NRXN3: variants seen among roughly 807,000 people sequenced by gnomAD.
The protein encoded by NRXN3 is neurexin 3.
Under a neutral mutation model 137.6 loss-of-function variants are expected in NRXN3, and 32 were observed. The ratio of observed to expected loss-of-function variants is 0.23; its 90% confidence interval spans 0.18 to 0.31. NRXN3 has a LOEUF of 0.31. Among genes scored for constraint, NRXN3 ranks in the 10% least tolerant of loss-of-function variants. The pLI is 1.00. For synonymous variants in NRXN3, 798 were observed against 784.5 expected, an observed-to-expected ratio of 1.02 and a Z score of -0.29; for missense variants, 1,574 against 2,062.5, an observed-to-expected ratio of 0.76 and a Z score of 4.59.
intron 19 of NRXN3, among the ~76,000 whole-genome samples, chr14:79,791,773 C>T (rs1280090533): frequency 2.6e-5 from 4 of 152,026 alleles, no homozygotes; most frequent in Non-Finnish European, 5.9e-5. Context: ...ATAGAACAAG[C>T]ATTTCTAGAG....
At chr14:78,949,829 A>C (rs2099383797) in intron 10 of NRXN3, among the ~76,000 whole-genome samples, 1 of 152,070 alleles carries the variant, frequency 6.6e-6, no homozygotes, top group Non-Finnish European at 1.5e-5. Context: ...AATGTACTAG[A>C]CCTTTAAATT....
intron 15 of NRXN3, among the ~76,000 whole-genome samples, chr14:79,457,696 T>C (rs2096275266): frequency 1.3e-5 from 2 of 152,210 alleles, no homozygotes. Flanking sequence ...TGGCCTCTTG[T>C]AAGTATGAGG....
chr14:78,491,927 A>G (rs189697141), intron 4 of NRXN3, among the ~76,000 whole-genome samples: 91 of 152,236 alleles, frequency 6.0e-4, no homozygotes, highest in Admixed American at 2.0e-3. Context: ...GACTAGTGGG[A>G]TATTGCAGAA....
intron 15 of NRXN3, among the ~76,000 whole-genome samples, chr14:79,135,881 C>A (rs577981128): frequency 1.3e-5 from 2 of 152,282 alleles, no homozygotes; most frequent in Non-Finnish European, 2.9e-5. Context: ...GTTGACTGAG[C>A]CTTGACATGA....
intron 8 of NRXN3, among the ~76,000 whole-genome samples, chr14:78,790,124 A>G (rs1324166837): frequency 6.6e-6 from 1 of 152,132 alleles, no homozygotes; most frequent in East Asian, 1.9e-4. Flanking sequence ...ATATTTTAAA[A>G]TTCAGTGGTA....
At chr14:79,623,354 A>AT (rs1567694636) in intron 16 of NRXN3, among the ~76,000 whole-genome samples, 1 of 152,162 alleles carries the variant, frequency 6.6e-6, no homozygotes, top group African/African-American at 2.4e-5. Context: ...TATTTAGTCA[A>AT]TTATCTGGTT....
Position 78,994,552 on chromosome 14 carries a change from C to T in NRXN3, c.3262+6411C>T, listed in dbSNP as rs559593982. 7.2e-5 allele frequency among the ~76,000 whole-genome samples: 11 copies of T among 152,180 alleles called. No individual in the cohort carries two copies. The South Asian group carries it at 1.2e-3, about 17-fold the overall frequency. ...ATTTCATTGAGTCGTTGGTGGAGAT[C>T]GATCTTGAAAATTTATTTATAAAGA... On this transcript the variant is annotated intron_variant, in intron 15 of 20. Transcript: ENST00000335750.
chr14:79,394,656 G>T (rs986609752), intron 15 of NRXN3, among the ~76,000 whole-genome samples: 1 of 152,158 alleles, frequency 6.6e-6, no homozygotes, highest in African/African-American at 2.4e-5. Context: ...AGAACCTTTT[G>T]AGACAGGGGC....
Position 78,845,093 on chromosome 14 carries a change from G to A in NRXN3, c.2275+34749G>A, listed in dbSNP as rs141310366. Among the ~76,000 whole-genome samples the A allele has an allele frequency of 2.5e-3, 376 of 151,964 alleles. 2 individuals carry two copies. The highest frequency in any genetic ancestry group is 8.6e-3 in the African/African-American group (358 of 41,484). Reference sequence around the variant, plus strand: ...AAAACTGTTGCAATGATCTTCATTGGCTAAATTAAAATATAAAGAGTAGTA... The same window carrying A: ...AAAACTGTTGCAATGATCTTCATTGACTAAATTAAAATATAAAGAGTAGTA... On this transcript the variant is annotated intron_variant, in intron 10 of 20. Transcript: ENST00000335750.
chr14:79,433,354 G>A (rs914270750), intron 15 of NRXN3, among the ~76,000 whole-genome samples: 7 of 152,144 alleles, frequency 4.6e-5, no homozygotes, highest in Non-Finnish European at 1.0e-4. Context: ...AACAGCTACA[G>A]TTCTTTCAGA....
chr14:78,589,642 TC>T (rs1341164364), intron 4 of NRXN3, among the ~76,000 whole-genome samples: 2 of 152,208 alleles, frequency 1.3e-5, no homozygotes, highest in African/African-American at 4.8e-5. Flanking sequence ...TTATCTTGTT[TC>T]CTCAGCTGGA....
intron 19 of NRXN3, among the ~76,000 whole-genome samples, chr14:79,709,915 G>T (rs568051834): frequency 6.6e-6 from 1 of 152,174 alleles, no homozygotes; most frequent in African/African-American, 2.4e-5. Context: ...CCTGTTAGAG[G>T]ATGCTTGATC....
At chr14:78,483,972 G>T (rs1254656147) in intron 4 of NRXN3, among the ~76,000 whole-genome samples, 2 of 119,894 alleles carry the variant, frequency 1.7e-5, no homozygotes, top group African/African-American at 6.0e-5. Context: ...ATAAACCAAG[G>T]GATGCTCTTA....
chr14:78,522,363 T>G (rs2096296062), intron 4 of NRXN3, among the ~76,000 whole-genome samples: 1 of 152,198 alleles, frequency 6.6e-6, no homozygotes, highest in South Asian at 2.1e-4. Context: ...AATTCCATAC[T>G]CTTTATATTA....
intron 15 of NRXN3, among the ~76,000 whole-genome samples, chr14:79,390,320 A>AG (rs2094803108): frequency 6.6e-6 from 1 of 151,658 alleles, no homozygotes; most frequent in Admixed American, 6.6e-5. Context: ...CTGTCTCAAA[A>AG]AAAAAAAAAA....
chr14:78,873,570 G>A (rs1002872558), intron 10 of NRXN3, among the ~76,000 whole-genome samples: 1 of 152,152 alleles, frequency 6.6e-6, no homozygotes, highest in Non-Finnish European at 1.5e-5. Context: ...CATCATTTCA[G>A]TTAACTGAAA....
intron 4 of NRXN3, among the ~76,000 whole-genome samples, chr14:78,625,877 A>G (rs1291854236): frequency 1.3e-5 from 2 of 152,196 alleles, no homozygotes; most frequent in East Asian, 3.8e-4. Flanking sequence ...TGGGGTCAGC[A>G]AAACCTGGTT....
intron 10 of NRXN3, among the ~76,000 whole-genome samples, chr14:78,828,483 ACTC>A (rs1441113308): frequency 6.6e-6 from 1 of 152,068 alleles, no homozygotes; most frequent in Non-Finnish European, 1.5e-5. Context: ...TGTCACAACT[ACTC>A]CATTGTGCTC....
At chr14:79,733,365 G>A (rs925848936) in intron 19 of NRXN3, among the ~76,000 whole-genome samples, 1 of 152,152 alleles carries the variant, frequency 6.6e-6, no homozygotes, top group Non-Finnish European at 1.5e-5. Context: ...TCTTAAGGAG[G>A]AGTAATTTAG....
Sources: gnomAD v4.1 joint callset for allele counts (sites outside exome capture counted in the v4.1 genomes callset) on GRCh38, gnomAD v4.1.1 for gene constraint, MANE v1.5 for transcripts, NCBI Gene and HGNC (gene_info 2026-07-23, HGNC 2026-07-21) for gene names.